ARHGEF7: variants seen among roughly 807,000 people sequenced by gnomAD.
The protein encoded by ARHGEF7 is PAK-interacting exchange factor beta.
Under a neutral mutation model 109.8 loss-of-function variants are expected in ARHGEF7, and 33 were observed. That is an observed-to-expected ratio of 0.30 (90% CI 0.23 to 0.40). The LOEUF (loss-of-function observed/expected upper bound fraction) is 0.40. Among genes scored for constraint, ARHGEF7 ranks in the 10% least tolerant of loss-of-function variants. The pLI is 1.00. For synonymous variants in ARHGEF7, 458 were observed against 424.6 expected (o/e 1.08, Z -0.97); for missense variants, 938 against 1,098.5 (o/e 0.85, Z 2.07).
chr13:111,213,730 G>A (rs1157922857), intron 4 of ARHGEF7, among the ~76,000 whole-genome samples: 2 of 151,980 alleles, frequency 1.3e-5, no homozygotes. Flanking sequence ...TTTAAAAAAG[G>A]GAAAAAAACC....
At chr13:111,223,945 C>A (rs2153510736) in intron 5 of ARHGEF7, among the ~76,000 whole-genome samples, 1 of 151,728 alleles carries the variant, frequency 6.6e-6, no homozygotes, top group Middle Eastern at 3.4e-3. Context: ...CAACCTCCAC[C>A]TCCTGGGTTC....
intron 1 of ARHGEF7, among the ~76,000 whole-genome samples, chr13:111,152,470 T>C (rs943661560): frequency 2.0e-5 from 3 of 152,226 alleles, no homozygotes; most frequent in African/African-American, 7.2e-5. Context: ...ACAGTTTCGA[T>C]GGAAACATGT....
intron 6 of ARHGEF7, among the ~76,000 whole-genome samples, chr13:111,242,133 T>C (rs5021964): frequency 6.6e-6 from 1 of 152,324 alleles, no homozygotes; most frequent in African/African-American, 2.4e-5. Context: ...GGCCCCTCGC[T>C]CTGGCTCTCC....
At chr13:111,275,412 C>A in intron 11 of ARHGEF7, 120 bp from the exon 12 acceptor site, 1 of 1,125,912 alleles carries the variant, frequency 8.9e-7, no homozygotes, top group Non-Finnish European at 1.3e-6. Context: ...AATAAATTAT[C>A]TGTCTGAAGA....
intron 9 of ARHGEF7, among the ~76,000 whole-genome samples, chr13:111,270,272 G>T (rs1372195623): frequency 6.6e-6 from 1 of 152,180 alleles, no homozygotes; most frequent in Non-Finnish European, 1.5e-5. Flanking sequence ...GTGTTTTGTG[G>T]CTGCCGTCAG....
intron 18 of ARHGEF7, among the ~76,000 whole-genome samples, chr13:111,290,994 A>G (rs1448546791): frequency 6.6e-6 from 1 of 152,272 alleles, no homozygotes; most frequent in Admixed American, 6.5e-5. Flanking sequence ...TCTGTTCAAT[A>G]CACACATTTG....
chr13:111,264,326 G>A (rs1278043299), intron 8 of ARHGEF7, among the ~76,000 whole-genome samples: 1 of 152,200 alleles, frequency 6.6e-6, no homozygotes, highest in Non-Finnish European at 1.5e-5. Context: ...TAACGCAACT[G>A]AAGAACTGAA....
At chr13:111,201,306 T>C (rs1268404150) in intron 2 of ARHGEF7, among the ~76,000 whole-genome samples, 3 of 152,238 alleles carry the variant, frequency 2.0e-5, no homozygotes, top group African/African-American at 7.2e-5. Context: ...GCCTGTGTAT[T>C]TCACAGAGGG....
intron 5 of ARHGEF7, among the ~76,000 whole-genome samples, chr13:111,221,464 G>T (rs867921033): frequency 8.9e-4 from 39 of 43,692 alleles, no homozygotes; most frequent in East Asian, 3.2e-3. Flanking sequence ...TAGATATATA[G>T]ACATCTATAT....
In ARHGEF7 at chr13:111,305,510, T is replaced by A. The variant is rs767878076; in HGVS notation, c.*2397T>A. 1 of 152,262 alleles carries A rather than the reference T, an allele frequency of 6.6e-6. No homozygotes were observed. The highest frequency in any genetic ancestry group is 1.5e-5 in the Non-Finnish European group (1 of 68,058). The allele number at this position is 152,262 out of a possible 1,614,324, so 9.4% of individuals were successfully genotyped here. On this transcript the variant is annotated 3_prime_UTR_variant, in exon 22 of 22. Transcript: ENST00000646102. ...CCTTCACACTCAGTGGCGTCTGTGC[T>A]TGTCCACATGCGCTGGGCGTCTGGG...
intron 12 of ARHGEF7, 70 bp from the exon 13 acceptor site, chr13:111,277,517 A>C (rs2092557103): frequency 3.2e-6 from 3 of 927,408 alleles, no homozygotes; most frequent in Non-Finnish European, 5.2e-6. Flanking sequence ...AAATAAGTGA[A>C]GTATTTGTGC....
At chr13:111,159,696 C>T (rs896073386) in intron 2 of ARHGEF7, among the ~76,000 whole-genome samples, 2 of 152,068 alleles carry the variant, frequency 1.3e-5, no homozygotes, top group African/African-American at 4.8e-5. Flanking sequence ...TGTTTGGGTC[C>T]TTTGCTCATC....
Position 111,273,525 on chromosome 13 carries a change from G to A in ARHGEF7, c.1074-289G>A, listed in dbSNP as rs1317142164. 6.6e-6 allele frequency among the ~76,000 whole-genome samples: 1 copy of A among 152,228 alleles called. No individual in the cohort carries two copies. Among genetic ancestry groups the A allele is most frequent in the Non-Finnish European group, 1.5e-5 (1 of 68,032 alleles). On this transcript the variant is annotated intron_variant, in intron 9 of 21. Transcript: ENST00000646102. This position sits in a 1 kb window ranked among gnomAD's most constrained non-coding sequence, Gnocchi z 4.5. ...TTGGATATGTCTGCATGGCACTGAT[G>A]TGCTGGAGGACCTCGCCATCAGTAG...
At chr13:111,163,727 G>A (rs760431134) in intron 2 of ARHGEF7, among the ~76,000 whole-genome samples, 1 of 151,912 alleles carries the variant, frequency 6.6e-6, no homozygotes, top group African/African-American at 2.4e-5. Context: ...TAGAGATGAG[G>A]TTTTGCCATG....
rs1411272342 is a variant in ARHGEF7, at chr13:111,280,604, A to T, written c.1652A>T (p.His551Leu). Residue 551 changes from histidine to leucine, a missense_variant, in exon 15 of 22, where the codon CAC becomes CTC. His to Leu is a moderately conservative substitution (Grantham distance 99). Coordinates refer to ENST00000646102, the MANE Select transcript of ARHGEF7 (RefSeq NM_001354046.2). ...NQQDLQEWVE[H>L]LQKQTKVTSV... ...CAGGATCTGCAGGAATGGGTGGAGC[A>T]CCTACAGAAGCAAACGAAGGTCACG... 6.2e-7 allele frequency: 1 copy of T among 1,613,092 alleles called. No individual in the cohort carries two copies. Among genetic ancestry groups the T allele is most frequent in the Non-Finnish European group, 8.5e-7 (1 of 1,179,708 alleles).
chr13:111,209,397 TTC>T (rs2082242154), intron 3 of ARHGEF7: 1 of 152,966 alleles, frequency 6.5e-6, no homozygotes. Context: ...CCTCACAAGG[TTC>T]TCTCTGGCTG....
chr13:111,115,634 G>C lies in ARHGEF7; in HGVS notation c.108G>C (p.Lys36Asn). The C allele has an allele frequency of 7.2e-7, 1 of 1,396,480 alleles. No individual in the cohort carries two copies. The highest frequency in any genetic ancestry group is 9.4e-7 in the Non-Finnish European group (1 of 1,060,316). 86.5% of individuals were successfully genotyped at this position (1,396,480 alleles called of 1,614,324 possible). Residue 36 changes from lysine to asparagine, a missense_variant, in exon 1 of 22, where the codon AAG becomes AAC. Lys to Asn is a moderately conservative substitution (Grantham distance 94). Transcript: ENST00000646102. ...AGGGCTTTCTGCAGGCGTCGCTGAA[G>C]GATGGGGTGGTCCTCTGCAGGCTGC... ...DPEGFLQASL[K>N]DGVVLCRLLE...
intron 5 of ARHGEF7, among the ~76,000 whole-genome samples, chr13:111,225,812 A>T (rs912367701): frequency 3.3e-5 from 5 of 152,038 alleles, no homozygotes; most frequent in Non-Finnish European, 7.4e-5. Context: ...TCCCCAGGCC[A>T]CTCATTCCCT....
intron 4 of ARHGEF7, among the ~76,000 whole-genome samples, chr13:111,217,138 G>T (rs570549026): frequency 3.2e-4 from 48 of 152,268 alleles, no homozygotes; most frequent in Admixed American, 5.9e-4. Flanking sequence ...CTTCTGACCA[G>T]AATTTAATGT....
Sources: allele counts gnomAD v4.1 joint callset (sites outside exome capture counted in the v4.1 genomes callset), GRCh38; gene constraint gnomAD v4.1.1; non-coding constraint Gnocchi (gnomAD v3.1); transcripts MANE v1.5; gene names NCBI Gene and HGNC (gene_info 2026-07-23, HGNC 2026-07-21).